The following STX10 variants were observed in gnomAD, a reference collection of about 807,000 sequenced individuals.
STX10 encodes syntaxin-10.
Under a neutral mutation model 34.1 loss-of-function variants are expected in STX10, and 35 were observed. The observed-to-expected ratio is 1.03, with a 90% confidence interval of 0.78 to 1.36. The LOEUF (loss-of-function observed/expected upper bound fraction) is 1.36. STX10 is among the 40% of genes most tolerant of loss of function. The pLI, the probability that STX10 is intolerant of heterozygous loss-of-function variation, is 0.00. For synonymous variants in STX10, 155 were observed against 132.9 expected, an observed-to-expected ratio of 1.17 and a Z score of -1.15; for missense variants, 361 against 335.5, an observed-to-expected ratio of 1.08 and a Z score of -0.59.
Position 13,144,292 on chromosome 19 carries a change from G to C in STX10, c.*118C>G. On this transcript the variant is annotated 3_prime_UTR_variant, in exon 8 of 8. Coordinates refer to ENST00000587230, the MANE Select transcript of STX10 (RefSeq NM_003765.3). ...GCCATGGGGACAGCTCCCCAGGCGG[G>C]ACCCTCTACTCTCCAGCTACCCAGG... The C allele has an allele frequency of 2.1e-6, 3 of 1,403,010 alleles. No homozygotes were observed. Among genetic ancestry groups the C allele is most frequent in the Non-Finnish European group, 1.9e-6 (2 of 1,036,478 alleles). 86.9% of individuals were successfully genotyped at this position (1,403,010 alleles called of 1,614,324 possible). A position where few individuals can be genotyped will look rare whatever the true frequency, so the allele number is the denominator to read the frequency against.
At chr19:13,149,411 CAAAAAA>C (rs142737763) in intron 3 of STX10, 82 bp downstream of exon 3, 7 of 626,246 alleles carry the variant, frequency 1.1e-5, no homozygotes, top group African/African-American at 9.6e-5. Context: ...GGCTCTGTCT[CAAAAAA>C]AAAAAAAAAA....
chr19:13,150,265 C>A lies in STX10; in HGVS notation c.-92G>T, dbSNP rs762280014. ...ACCGAGGAGAACGCGCCGCCACCCC[C>A]GCCCCCGTCACGCCACCATCGAGAG... On this transcript the variant is annotated 5_prime_UTR_variant, in exon 1 of 8. Coordinates refer to ENST00000587230, the MANE Select transcript of STX10 (RefSeq NM_003765.3). The surrounding 1 kb of genome is among the most constrained non-coding windows in gnomAD (Gnocchi z 4.0). 60 of 664,590 alleles carry A rather than the reference C, an allele frequency of 9.0e-5. No individual in the cohort carries two copies. The highest frequency in any genetic ancestry group is 1.6e-4 in the Non-Finnish European group (57 of 361,168). 41.2% of individuals were successfully genotyped at this position (664,590 alleles called of 1,614,324 possible). A position where few individuals can be genotyped will look rare whatever the true frequency, so the allele number is the denominator to read the frequency against.
intron 4 of STX10, among the ~76,000 whole-genome samples, chr19:13,147,497 G>A (rs1330386514): frequency 6.6e-6 from 1 of 151,684 alleles, no homozygotes; most frequent in African/African-American, 2.4e-5. Context: ...CGGGCGCGGT[G>A]GCTCACGCCT....
Position 13,150,161 on chromosome 19 carries a change from C to A in STX10, c.13G>T (p.Asp5Tyr). The A allele has an allele frequency of 8.7e-7, 1 of 1,153,072 alleles. No individual in the cohort carries two copies. Among genetic ancestry groups the A allele is most frequent in the Non-Finnish European group, 1.3e-6 (1 of 773,666 alleles). The allele number at this position is 1,153,072 out of a possible 1,614,324, so 71.4% of individuals were successfully genotyped here. Reference protein sequence around the residue: MSLEDPFFVVRGEVQ... With the variant: MSLEYPFFVVRGEVQ... ...CACCCTCGGACTACAAAAAAGGGGT[C>A]TTCGAGAGACATGTCAGTCCCTTCC... The change falls in exon 1 of 8, where the codon GAC (aspartate) becomes TAC (tyrosine). Residue 5 changes from aspartate to tyrosine, a missense_variant. Transcript: ENST00000587230. This position sits in a 1 kb window ranked among gnomAD's most constrained non-coding sequence, Gnocchi z 4.0.
At chr19:13,148,878 C>T (rs1010933869) in intron 4 of STX10, 151 bp downstream of exon 4, 2 of 625,358 alleles carry the variant, frequency 3.2e-6, no homozygotes, top group South Asian at 1.8e-5. Context: ...GTGCACACAC[C>T]GAGAAAGTGC....
intron 4 of STX10, among the ~76,000 whole-genome samples, chr19:13,148,088 A>T (rs888048032): frequency 6.9e-6 from 1 of 145,964 alleles, no homozygotes; most frequent in Non-Finnish European, 1.5e-5. Flanking sequence ...AAAAAAAAAA[A>T]GGAAGTTATG....
rs1489339565 is a variant in STX10, at chr19:13,144,314, C to G, written c.*96G>C. 12 of 1,496,742 alleles carry G rather than the reference C, an allele frequency of 8.0e-6. No homozygotes were observed. Among genetic ancestry groups the G allele is most frequent in the Admixed American group, 2.0e-5 (1 of 49,312 alleles). The allele number at this position is 1,496,742 out of a possible 1,614,324, so 92.7% of individuals were successfully genotyped here. On this transcript the variant is annotated 3_prime_UTR_variant, in exon 8 of 8. Coordinates refer to ENST00000587230, the MANE Select transcript of STX10 (RefSeq NM_003765.3). Reference sequence around the variant, plus strand: ...CGGGACCCTCTACTCTCCAGCTACCCAGGAGGGACCCTCTCCTCCTAGGGG... The same window carrying G: ...CGGGACCCTCTACTCTCCAGCTACCGAGGAGGGACCCTCTCCTCCTAGGGG...
At position 13,144,478 on chromosome 19, in the gene STX10, G is replaced by C. The variant is rs557253597; in HGVS notation, c.682C>G (p.Gln228Glu). ...KVSHMTSDRR[Q>E]WCAIAVLVGV... ...ACTAGCACGGCGATGGCACACCACTGTCGGCGGTCTGGGAACGAGAAGGTC... is the reference window on the plus strand; with the variant it reads ...ACTAGCACGGCGATGGCACACCACTCTCGGCGGTCTGGGAACGAGAAGGTC... Residue 228 changes from glutamine (Q) to glutamate (E), a missense_variant, in exon 8 of 8, where the codon CAG becomes GAG. By Grantham distance (29) the Gln-to-Glu change is conservative (BLOSUM62 2). Coordinates refer to ENST00000587230, the MANE Select transcript of STX10 (RefSeq NM_003765.3). 1 of 1,613,580 alleles carries C rather than the reference G, an allele frequency of 6.2e-7. No individual in the cohort carries two copies.
chr19:13,149,768 G>T lies in STX10; in HGVS notation c.165C>A (p.Arg55=), dbSNP rs772865577. 6.2e-7 allele frequency: 1 copy of T among 1,614,032 alleles called. No individual in the cohort carries two copies. The highest frequency in any genetic ancestry group is 1.3e-5 in the African/African-American group (1 of 74,934). ...GGTCCTCGAGGTCCCACTCGATGCTGCGCAGGCCATTCCGCAGCTCATTGG... is the reference window on the plus strand; with the variant it reads ...GGTCCTCGAGGTCCCACTCGATGCTTCGCAGGCCATTCCGCAGCTCATTGG... ...WTTNELRNGL[R]SIEWDLEDLE... The change falls in exon 2 of 8, where the codon CGC becomes CGA. Residue 55 remains arginine, a synonymous_variant. Transcript: ENST00000587230.
Position 13,145,360 on chromosome 19 carries a change from G to A in STX10, c.399C>T (p.Pro133=). The part of the protein sequence containing the change: ...LAGKPAAQKS[P]SDLLDASAVS... Reference sequence around the variant, plus strand: ...CTGCGCTGGCATCCAGCAGGTCGCTGGGTGACTTCTGGGCAGCTGGCTTGC... The same window carrying A: ...CTGCGCTGGCATCCAGCAGGTCGCTAGGTGACTTCTGGGCAGCTGGCTTGC... The change falls in exon 5 of 8, where the codon CCC becomes CCT. Residue 133 remains proline, a synonymous_variant. Transcript: ENST00000587230. 1 of 1,611,848 alleles carries A rather than the reference G, an allele frequency of 6.2e-7. No homozygotes were observed. Among genetic ancestry groups the A allele is most frequent in the Non-Finnish European group, 8.5e-7 (1 of 1,179,962 alleles).
chr19:13,148,917 C>T, intron 4 of STX10, 112 bp downstream of exon 4: 1 of 812,124 alleles, frequency 1.2e-6, no homozygotes, highest in Non-Finnish European at 2.0e-6. Context: ...AAGATAACTG[C>T]CCACAGAGAG....
intron 4 of STX10, among the ~76,000 whole-genome samples, chr19:13,145,970 G>A (rs1318819962): frequency 6.9e-6 from 1 of 144,974 alleles, no homozygotes; most frequent in South Asian, 2.2e-4. Context: ...AGGTTGCAGT[G>A]AGCCGAGATC....
intron 4 of STX10, among the ~76,000 whole-genome samples, chr19:13,146,741 A>G (rs1318860107): frequency 6.6e-6 from 1 of 151,594 alleles, no homozygotes; most frequent in Non-Finnish European, 1.5e-5. Flanking sequence ...GGGTTTCATC[A>G]TGTTGGCCAG....
intron 3 of STX10, 90 bp from the exon 4 acceptor site, chr19:13,149,181 C>G (rs893921390): frequency 8.6e-7 from 1 of 1,160,226 alleles, no homozygotes; most frequent in Non-Finnish European, 1.3e-6. Flanking sequence ...AGAGACCAAG[C>G]CGGGTGGATC....
chr19:13,144,964 C>G, intron 5 of STX10, 94 bp from the exon 6 acceptor site: 1 of 1,160,000 alleles, frequency 8.6e-7, no homozygotes, highest in Non-Finnish European at 1.2e-6. Flanking sequence ...TCTGGGAGGC[C>G]GAGACAGGCG....
At chr19:13,148,548 C>T (rs1221389865) in intron 4 of STX10, among the ~76,000 whole-genome samples, 5 of 148,976 alleles carry the variant, frequency 3.4e-5, no homozygotes, top group Non-Finnish European at 5.9e-5. Flanking sequence ...GGCATGGTGA[C>T]GAGCACCTGT....
intron 4 of STX10, among the ~76,000 whole-genome samples, chr19:13,147,721 G>A (rs2019933342): frequency 6.6e-6 from 1 of 151,572 alleles, no homozygotes; most frequent in Non-Finnish European, 1.5e-5. Flanking sequence ...AGATGTTGAA[G>A]CCCCGTCTCT....
chr19:13,149,111 T>C lies in STX10; in HGVS notation c.301-20A>G. 2 of 1,580,634 alleles carry C rather than the reference T, an allele frequency of 1.3e-6. No homozygotes were observed. Among genetic ancestry groups the C allele is most frequent in the South Asian group, 1.2e-5 (1 of 86,590 alleles). On this transcript the variant is annotated intron_variant, in intron 3 of 7. Transcript: ENST00000587230. Reference sequence around the variant, plus strand: ...CATTTCCTGGAGGTAAGGACAGCATTAGGGAGGAAAGACACTCAGGCTGGG... The same window carrying C: ...CATTTCCTGGAGGTAAGGACAGCATCAGGGAGGAAAGACACTCAGGCTGGG...
chr19:13,150,124 G>T lies in STX10; in HGVS notation c.35+15C>A. On this transcript the variant is annotated intron_variant, in intron 1 of 7. Transcript: ENST00000587230. The surrounding 1 kb of genome is among the most constrained non-coding windows in gnomAD (Gnocchi z 4.0). The stretch of plus-strand genomic sequence containing the variant: ...TACAGAGCACCCTCCGCCCTCCCCC[G>T]TCGTTGTCACTCACCCTCGGACTAC... 2.6e-6 allele frequency: 3 copies of T among 1,155,518 alleles called. No homozygotes were observed. Among genetic ancestry groups the T allele is most frequent in the Non-Finnish European group, 3.9e-6 (3 of 776,806 alleles). 71.6% of individuals were successfully genotyped at this position (1,155,518 alleles called of 1,614,324 possible).
Sources: allele counts gnomAD v4.1 joint callset (sites outside exome capture counted in the v4.1 genomes callset), GRCh38; gene constraint gnomAD v4.1.1; non-coding constraint Gnocchi (gnomAD v3.1); transcripts MANE v1.5; gene names NCBI Gene and HGNC (gene_info 2026-07-23, HGNC 2026-07-21).